LDHAL6A: variants seen among roughly 807,000 people sequenced by gnomAD.
LDHAL6A encodes lactate dehydrogenase A like 6A, also known as L-lactate dehydrogenase A-like 6A.
LDHAL6A carries 19 observed loss-of-function variants against 28.2 expected under a neutral mutation model. The ratio of observed to expected loss-of-function variants is 0.67; its 90% CI spans 0.47 to 0.99. The LOEUF (loss-of-function observed/expected upper bound fraction) is 0.99, where lower values mean the gene tolerates loss of function less well. LDHAL6A is among the 50% of genes least tolerant of loss of function. The probability of loss-of-function intolerance (pLI) is 0.00; values close to 1 mark genes in which losing one functional copy is unlikely to be tolerated. For synonymous variants in LDHAL6A, 144 were observed against 134.4 expected, an observed-to-expected ratio of 1.07 and a Z score of -0.49; for missense variants, 372 against 398.6, an observed-to-expected ratio of 0.93 and a Z score of 0.57.
Position 18,474,553 on chromosome 11 carries a change from A to G in LDHAL6A, c.419-913A>G, listed in dbSNP as rs534052156. Among the ~76,000 whole-genome samples, 397 of 151,976 alleles carry G rather than the reference A, an allele frequency of 2.6e-3. 2 individuals are homozygous for G. The highest frequency in any genetic ancestry group is 9.4e-3 in the African/African-American group (389 of 41,434). On this transcript the variant is annotated intron_variant, in intron 3 of 6. Coordinates refer to ENST00000280706, the MANE Select transcript of LDHAL6A (RefSeq NM_144972.5). The stretch of plus-strand genomic sequence containing the variant: ...AGGCGCGCACCACCATGCCTGGCTA[A>G]TTTTTTTATTTTTAATAGAGACGGG...
Position 18,464,090 on chromosome 11 carries a change from A to G in LDHAL6A, c.244+12A>G. 4 of 1,456,994 alleles carry G rather than the reference A, an allele frequency of 2.7e-6. No homozygotes were observed. Among genetic ancestry groups the G allele is most frequent in the Non-Finnish European group, 3.9e-6 (4 of 1,036,854 alleles). The allele number at this position is 1,456,994 out of a possible 1,614,324, so 90.3% of individuals were successfully genotyped here. A position where few individuals can be genotyped will look rare whatever the true frequency, so the allele number is the denominator to read the frequency against. On this transcript the variant is annotated intron_variant, in intron 2 of 6. Coordinates refer to ENST00000280706, the MANE Select transcript of LDHAL6A (RefSeq NM_144972.5). ...TGTCTCCAGCAAAGGTTAATGTCAT[A>G]GTTAAATACTATAAATATTCTAATA...
intron 4 of LDHAL6A, 188 bp downstream of exon 4, chr11:18,475,827 G>C: frequency 2.0e-6 from 1 of 509,302 alleles, no homozygotes; most frequent in Non-Finnish European, 3.4e-6. Context: ...TGAAAAATGT[G>C]AGATTGATAC....
intron 3 of LDHAL6A, chr11:18,468,780 CT>C (rs1453818449): frequency 6.4e-6 from 1 of 155,764 alleles, no homozygotes; most frequent in African/African-American, 2.4e-5. Context: ...AAGTTTGAGG[CT>C]GTTTTTTCTT....
intron 2 of LDHAL6A, among the ~76,000 whole-genome samples, 165 bp from the exon 3 acceptor site, chr11:18,465,472 T>G (rs2133871878): frequency 6.6e-6 from 1 of 151,198 alleles, no homozygotes; most frequent in East Asian, 1.9e-4. Context: ...CAAGGGAAAC[T>G]TAGTGCTAAT....
At chr11:18,458,632 C>T (rs1848818932) in intron 1 of LDHAL6A, among the ~76,000 whole-genome samples, 1 of 152,158 alleles carries the variant, frequency 6.6e-6, no homozygotes, top group Non-Finnish European at 1.5e-5. Flanking sequence ...CCTAAAAACT[C>T]CTTGCTGATA....
chr11:18,470,843 C>T (rs1317504680), intron 3 of LDHAL6A, among the ~76,000 whole-genome samples: 1 of 151,878 alleles, frequency 6.6e-6, no homozygotes, highest in African/African-American at 2.4e-5. Flanking sequence ...TGCACTACCA[C>T]GCCCAGCTAA....
intron 3 of LDHAL6A, among the ~76,000 whole-genome samples, chr11:18,473,585 C>G (rs990616683): frequency 6.6e-6 from 1 of 152,106 alleles, no homozygotes; most frequent in African/African-American, 2.4e-5. Flanking sequence ...TTTGTAGAGA[C>G]GCGGTCTTGT....
chr11:18,467,898 T>TATATACATATATATACACACAC (rs1849118334), intron 3 of LDHAL6A, among the ~76,000 whole-genome samples: 1 of 68,222 alleles, frequency 1.5e-5, no homozygotes, highest in African/African-American at 8.5e-5. Context: ...TATATATATA[T>TATATACATATATATACACACAC]ATATATATAT....
At chr11:18,476,310 G>T in intron 4 of LDHAL6A, 74 bp from the exon 5 acceptor site, 1 of 1,527,844 alleles carries the variant, frequency 6.5e-7, no homozygotes, top group Non-Finnish European at 8.8e-7. Flanking sequence ...AATTATAACA[G>T]TTTTGCTGAG....
rs1848770996 is a variant in LDHAL6A, at chr11:18,456,825, ACCACAGGGTTCACCT to A, written c.126+21_126+35del. On this transcript the variant is annotated intron_variant, in intron 1 of 6. Coordinates refer to ENST00000280706, the MANE Select transcript of LDHAL6A (RefSeq NM_144972.5). ...ATTAAAAGTAAGTTGTGTGCTCTGCACCACAGGGTTCACCTCAGTTGGAGGCGAGGCCACAGCGTA... is the reference window on the plus strand; with the variant it reads ...ATTAAAAGTAAGTTGTGTGCTCTGCACAGTTGGAGGCGAGGCCACAGCGTA... 1 of 1,607,210 alleles carries A rather than the reference ACCACAGGGTTCACCT, an allele frequency of 6.2e-7. No individual in the cohort carries two copies. Among genetic ancestry groups the A allele is most frequent in the Non-Finnish European group, 8.5e-7 (1 of 1,177,202 alleles).
chr11:18,469,114 T>C (rs376011326), intron 3 of LDHAL6A: 1 of 504,134 alleles, frequency 2.0e-6, no homozygotes, highest in Non-Finnish European at 3.5e-6. Flanking sequence ...CACGGTGTCA[T>C]TTTTGAAAGG....
Position 18,464,977 on chromosome 11 carries a change from G to T in LDHAL6A, c.245-660G>T, listed in dbSNP as rs11024664. Among the ~76,000 whole-genome samples the T allele has an allele frequency of 8.3e-3, 1,043 of 125,158 alleles. 20 individuals are homozygous for T. The highest frequency in any genetic ancestry group is 0.03 in the African/African-American group (888 of 29,478). The allele number at this position is 125,158 out of a possible 152,430, so 82.1% of individuals were successfully genotyped here. A position where few individuals can be genotyped will look rare whatever the true frequency, so the allele number is the denominator to read the frequency against. On this transcript the variant is annotated intron_variant, in intron 2 of 6. Coordinates refer to ENST00000280706, the MANE Select transcript of LDHAL6A (RefSeq NM_144972.5). The stretch of plus-strand genomic sequence containing the variant: ...TTTTAGGAGGTGAGGTGTTTTTTTT[G>T]TTTTTTTTTGTTTTGTTTTGTTTTG...
At chr11:18,474,295 T>C (rs1849316134) in intron 3 of LDHAL6A, among the ~76,000 whole-genome samples, 1 of 151,866 alleles carries the variant, frequency 6.6e-6, no homozygotes, top group Non-Finnish European at 1.5e-5. Context: ...ACCAGGCTGG[T>C]CTTAAACTCC....
Position 18,455,906 on chromosome 11 carries a change from G to A in LDHAL6A, c.-775G>A, listed in dbSNP as rs1848739732. The stretch of plus-strand genomic sequence containing the variant: ...ATCACACCTGCCAAGCATCACACCT[G>A]CCAAGCATCACACCTGCCAAGCATC... On this transcript the variant is annotated 5_prime_UTR_variant, in exon 1 of 7. Transcript: ENST00000280706. 6.6e-6 allele frequency: 1 copy of A among 151,846 alleles called. No individual in the cohort carries two copies. Among genetic ancestry groups the A allele is most frequent in the Non-Finnish European group, 1.5e-5 (1 of 68,042 alleles). 9.4% of individuals were successfully genotyped at this position (151,846 alleles called of 1,614,324 possible).
chr11:18,467,918 T>C (rs11024668), intron 3 of LDHAL6A, among the ~76,000 whole-genome samples: 19,093 of 49,532 alleles, frequency 0.39, 4,585 homozygotes, highest in Middle Eastern at 0.45. Context: ...TATATATATA[T>C]ACACACACAT....
At chr11:18,472,983 G>A (rs1341508185) in intron 3 of LDHAL6A, among the ~76,000 whole-genome samples, 1 of 151,944 alleles carries the variant, frequency 6.6e-6, no homozygotes, top group African/African-American at 2.4e-5. Flanking sequence ...CACCTATTTT[G>A]AAACTGCAGA....
intron 3 of LDHAL6A, among the ~76,000 whole-genome samples, chr11:18,466,441 C>G (rs1849075399): frequency 6.6e-6 from 1 of 152,022 alleles, no homozygotes; most frequent in Non-Finnish European, 1.5e-5. Context: ...GTGCTTGAAT[C>G]CAGGAGTTTG....
In LDHAL6A at chr11:18,475,665, C is replaced by A. The variant is rs139803637; in HGVS notation, c.592+26C>A. ...GTAAGCCTGAGGCACGATTGAGCCT[C>A]TGAAATATCTATTTCCTATCAATCA... On this transcript the variant is annotated intron_variant, in intron 4 of 6. Transcript: ENST00000280706. 2.5e-4 allele frequency: 398 copies of A among 1,590,250 alleles called. 1 individual carries two copies. The African/African-American group carries it at 4.5e-3, about 18-fold the overall frequency.
intron 1 of LDHAL6A, among the ~76,000 whole-genome samples, chr11:18,461,446 A>T (rs1442481256): frequency 5.9e-5 from 9 of 152,080 alleles, no homozygotes; most frequent in Admixed American, 5.9e-4. Flanking sequence ...TCCCACCTTG[A>T]TCATTTACTT....
Sources: allele counts gnomAD v4.1 joint callset (sites outside exome capture counted in the v4.1 genomes callset), GRCh38; gene constraint gnomAD v4.1.1; transcripts MANE v1.5; gene names NCBI Gene and HGNC (gene_info 2026-07-23, HGNC 2026-07-21).